CACNB2: variants seen among roughly 807,000 people sequenced by gnomAD.
CACNB2 encodes calcium voltage-gated channel auxiliary subunit beta 2.
In CACNB2, 42 loss-of-function variants were observed where a neutral mutation model predicts 73.3. The observed-to-expected ratio is 0.57, with a 90% CI of 0.45 to 0.74. The LOEUF (loss-of-function observed/expected upper bound fraction) is 0.74. Among genes scored for constraint, CACNB2 ranks in the 30% least tolerant of loss-of-function variants. The pLI is 0.00. For missense variants in CACNB2, 940 were observed against 853.0 expected (o/e 1.10, Z -1.27); for synonymous variants, 348 against 310.3 (o/e 1.12, Z -1.28).
At chr10:18,344,739 A>G (rs1673603066) in intron 2 of CACNB2, among the ~76,000 whole-genome samples, 1 of 152,188 alleles carries the variant, frequency 6.6e-6, no homozygotes, top group Non-Finnish European at 1.5e-5. Context: ...TCATGCCTGA[A>G]CGACACCAGC....
chr10:18,375,984 A>C (rs936310969), intron 2 of CACNB2, among the ~76,000 whole-genome samples: 1 of 152,224 alleles, frequency 6.6e-6, no homozygotes, highest in East Asian at 1.9e-4. Flanking sequence ...TAGCAATCCA[A>C]TTTCTGGATA....
intron 2 of CACNB2, among the ~76,000 whole-genome samples, chr10:18,342,773 ATTCT>A (rs1478371656): frequency 6.6e-6 from 1 of 152,120 alleles, no homozygotes; most frequent in Non-Finnish European, 1.5e-5. Context: ...AATGACAGAA[ATTCT>A]TTCAAGTTTG....
chr10:18,490,815 A>C (rs2049366542), intron 3 of CACNB2, among the ~76,000 whole-genome samples: 1 of 131,298 alleles, frequency 7.6e-6, no homozygotes, highest in Non-Finnish European at 1.6e-5. Context: ...CTCTACAGCT[A>C]TGACCAAGCC....
At chr10:18,538,966 T>G (rs1226950300) in intron 13 of CACNB2, among the ~76,000 whole-genome samples, 1 of 148,436 alleles carries the variant, frequency 6.7e-6, no homozygotes, top group Non-Finnish European at 1.5e-5. Context: ...TAAAAGAACA[T>G]TTTCCCTGCT....
chr10:18,539,640 C>T lies in CACNB2; in HGVS notation c.1899C>T (p.Arg633=). The T allele has an allele frequency of 6.2e-7, 1 of 1,613,378 alleles. No homozygotes were observed. The highest frequency in any genetic ancestry group is 8.5e-7 in the Non-Finnish European group (1 of 1,179,894). The change falls in exon 14 of 14, where the codon CGC becomes CGT. Residue 633 remains arginine, a synonymous_variant. Coordinates refer to ENST00000324631, the MANE Select transcript of CACNB2 (RefSeq NM_201596.3). ...GCAGCCGTCATAAATCCAAGGATCGCTACTGTGAAAAGGATGGAGAAGTGA... is the reference window on the plus strand; with the variant it reads ...GCAGCCGTCATAAATCCAAGGATCGTTACTGTGAAAAGGATGGAGAAGTGA... The part of the protein sequence containing the change: ...KQRSRHKSKD[R]YCEKDGEVIS...
intron 3 of CACNB2, among the ~76,000 whole-genome samples, chr10:18,462,852 A>G (rs1258231567): frequency 1.3e-5 from 2 of 152,022 alleles, no homozygotes; most frequent in African/African-American, 2.4e-5. Flanking sequence ...TCCACCTCCC[A>G]GGTTCAAGAG....
chr10:18,189,734 A>G (rs1303742734), intron 2 of CACNB2, among the ~76,000 whole-genome samples: 3 of 152,186 alleles, frequency 2.0e-5, no homozygotes, highest in Non-Finnish European at 4.4e-5. Flanking sequence ...TTTCAGCATT[A>G]ACAGTGTGAA....
At chr10:18,422,526 C>G (rs1435752608) in intron 3 of CACNB2, among the ~76,000 whole-genome samples, 1 of 152,190 alleles carries the variant, frequency 6.6e-6, no homozygotes, top group Admixed American at 6.5e-5. Flanking sequence ...TGCTATTGCT[C>G]TTTCTCATCA....
chr10:18,495,140 A>G (rs960104825), intron 3 of CACNB2, among the ~76,000 whole-genome samples: 1 of 152,148 alleles, frequency 6.6e-6, no homozygotes, highest in African/African-American at 2.4e-5. Flanking sequence ...AACATTTTTC[A>G]AAGCAGAATA....
chr10:18,376,300 AC>A (rs2042796104), intron 2 of CACNB2, among the ~76,000 whole-genome samples: 1 of 152,156 alleles, frequency 6.6e-6, no homozygotes, highest in Non-Finnish European at 1.5e-5. Flanking sequence ...AAAAATTAAA[AC>A]AATTGAATTC....
At chr10:18,278,519 G>C (rs890623733) in intron 2 of CACNB2, among the ~76,000 whole-genome samples, 2 of 151,846 alleles carry the variant, frequency 1.3e-5, no homozygotes, top group African/African-American at 4.8e-5. Flanking sequence ...AGTGACAGGG[G>C]CTATTGAGAG....
chr10:18,185,094 C>T (rs1394625283), intron 2 of CACNB2, among the ~76,000 whole-genome samples: 2 of 152,146 alleles, frequency 1.3e-5, no homozygotes, highest in Non-Finnish European at 2.9e-5. Flanking sequence ...CCACCTTGGC[C>T]CATCCCAAAG....
chr10:18,436,257 A>C (rs567303375), intron 3 of CACNB2, among the ~76,000 whole-genome samples: 11 of 152,350 alleles, frequency 7.2e-5, no homozygotes, highest in African/African-American at 2.4e-4. Flanking sequence ...AGAAGTTTAG[A>C]AACTTCTGTT....
At chr10:18,455,248 G>T (rs985190402) in intron 3 of CACNB2, among the ~76,000 whole-genome samples, 1 of 152,180 alleles carries the variant, frequency 6.6e-6, no homozygotes, top group African/African-American at 2.4e-5. Context: ...ACATGTGGGG[G>T]CTGGTTGACT....
At position 18,274,399 on chromosome 10, in the gene CACNB2, C is replaced by T. The variant is rs568044901; in HGVS notation, c.213+123424C>T. On this transcript the variant is annotated intron_variant, in intron 2 of 13. Coordinates refer to ENST00000324631, the MANE Select transcript of CACNB2 (RefSeq NM_201596.3). ...AAGGTTGTGCAAGAAGCTTCCTCAACTTACTCCTGAACGCCTGCCTCTCAA... is the reference window on the plus strand; with the variant it reads ...AAGGTTGTGCAAGAAGCTTCCTCAATTTACTCCTGAACGCCTGCCTCTCAA... Among the ~76,000 whole-genome samples the T allele has an allele frequency of 4.6e-5, 7 of 152,338 alleles. No homozygotes were observed. The South Asian group carries it at 1.4e-3, about 32-fold the overall frequency.
chr10:18,257,603 C>T (rs1455741193), intron 2 of CACNB2, among the ~76,000 whole-genome samples: 4 of 152,300 alleles, frequency 2.6e-5, no homozygotes, highest in Non-Finnish European at 4.4e-5. Context: ...CTTTCTCCCT[C>T]GCACTTTCCA....
chr10:18,338,240 A>G lies in CACNB2; in HGVS notation c.214-63684A>G, dbSNP rs537642285. On this transcript the variant is annotated intron_variant, in intron 2 of 13. Coordinates refer to ENST00000324631, the MANE Select transcript of CACNB2 (RefSeq NM_201596.3). Reference sequence around the variant, plus strand: ...AAAAAAGACATAACCTGATTTTAAAATGTATGAAGGACCTGAATGGACATT... The same window carrying G: ...AAAAAAGACATAACCTGATTTTAAAGTGTATGAAGGACCTGAATGGACATT... 3.9e-5 allele frequency among the ~76,000 whole-genome samples: 6 copies of G among 152,368 alleles called. No homozygotes were observed. In the South Asian group the frequency reaches 1.2e-3, roughly 32 times the overall value.
At chr10:18,490,774 T>C (rs1429575087) in intron 3 of CACNB2, among the ~76,000 whole-genome samples, 2 of 151,194 alleles carry the variant, frequency 1.3e-5, no homozygotes, top group Non-Finnish European at 2.9e-5. Context: ...TATTTCTGTA[T>C]CTGTGCTTTC....
chr10:18,531,016 G>A (rs572786773), intron 10 of CACNB2, among the ~76,000 whole-genome samples: 18 of 152,248 alleles, frequency 1.2e-4, no homozygotes, highest in African/African-American at 4.3e-4. Context: ...TGCAAGATAA[G>A]GCAGGCACTG....
Sources: allele counts gnomAD v4.1 joint callset (sites outside exome capture counted in the v4.1 genomes callset), GRCh38; gene constraint gnomAD v4.1.1; transcripts MANE v1.5; gene names NCBI Gene and HGNC (gene_info 2026-07-23, HGNC 2026-07-21).